APLF: variants seen among roughly 807,000 people sequenced by gnomAD.
The protein encoded by APLF is aprataxin and PNKP like factor.
Under a neutral mutation model 55.6 loss-of-function variants are expected in APLF, and 61 were observed. That is an observed-to-expected ratio of 1.10 (90% CI 0.89 to 1.36). The LOEUF (loss-of-function observed/expected upper bound fraction) is 1.36, where lower values mean the gene tolerates loss of function less well. Ranked by LOEUF, APLF falls within the 40% of genes most tolerant of loss-of-function variation. APLF has a pLI of 0.00. For missense variants in APLF, 611 were observed against 602.5 expected, an observed-to-expected ratio of 1.01 and a Z score of -0.15; for synonymous variants, 207 against 214.8, an observed-to-expected ratio of 0.96 and a Z score of 0.32.
chr2:68,480,868 C>G (rs1196810276), intron 1 of APLF, among the ~76,000 whole-genome samples: 1 of 152,132 alleles, frequency 6.6e-6, no homozygotes, highest in Non-Finnish European at 1.5e-5. Context: ...CTCTTGAGAT[C>G]ATATGGTTTT....
intron 2 of APLF, among the ~76,000 whole-genome samples, chr2:68,496,920 C>T (rs1277927483): frequency 6.6e-6 from 1 of 152,174 alleles, no homozygotes; most frequent in Non-Finnish European, 1.5e-5. Flanking sequence ...CTCTCATCTT[C>T]CTGTCTTCTT....
chr2:68,474,615 A>C (rs895975482), intron 1 of APLF, among the ~76,000 whole-genome samples: 1 of 152,206 alleles, frequency 6.6e-6, no homozygotes, highest in African/African-American at 2.4e-5. Context: ...ACATGTCTTC[A>C]TACTTTTGTA....
At chr2:68,487,189 G>T (rs965416078) in intron 1 of APLF, among the ~76,000 whole-genome samples, 1 of 152,056 alleles carries the variant, frequency 6.6e-6, no homozygotes, top group African/African-American at 2.4e-5. Flanking sequence ...CTTTATTTAG[G>T]ATCTGAATCT....
rs909380019 is a variant in APLF, at chr2:68,512,223, A to G, written c.342-857A>G. Among the ~76,000 whole-genome samples, 7 of 151,522 alleles carry G rather than the reference A, an allele frequency of 4.6e-5. No homozygotes were observed. In the Admixed American group the frequency reaches 4.6e-4, roughly 10 times the overall value. On this transcript the variant is annotated intron_variant, in intron 3 of 9. Transcript: ENST00000303795. Reference sequence around the variant, plus strand: ...AGTCTGTCCCTTCACTCCACCCCCAATCCCTGGCAACCATTAATATGATTT... The same window carrying G: ...AGTCTGTCCCTTCACTCCACCCCCAGTCCCTGGCAACCATTAATATGATTT...
At chr2:68,493,485 C>G (rs1676432201) in intron 2 of APLF, among the ~76,000 whole-genome samples, 1 of 151,912 alleles carries the variant, frequency 6.6e-6, no homozygotes, top group African/African-American at 2.4e-5. Flanking sequence ...AAAGCATGAA[C>G]CATAAAAACA....
At chr2:68,489,174 G>A (rs887658246) in intron 1 of APLF, among the ~76,000 whole-genome samples, 2 of 152,192 alleles carry the variant, frequency 1.3e-5, no homozygotes, top group Non-Finnish European at 2.9e-5. Flanking sequence ...CTTAAGTGTG[G>A]AACAGCTATC....
chr2:68,555,712 G>A (rs1404058944), intron 8 of APLF, among the ~76,000 whole-genome samples: 2 of 152,144 alleles, frequency 1.3e-5, no homozygotes, highest in Admixed American at 1.3e-4. Flanking sequence ...ATAAATGTTG[G>A]TGTGGATGTG....
chr2:68,507,601 T>C (rs1300628194), intron 3 of APLF, among the ~76,000 whole-genome samples: 2 of 151,982 alleles, frequency 1.3e-5, no homozygotes, highest in South Asian at 2.1e-4. Flanking sequence ...TACTTGGTTT[T>C]ATATTTTAGT....
intron 5 of APLF, among the ~76,000 whole-genome samples, chr2:68,519,834 G>A (rs964339528): frequency 6.6e-6 from 1 of 151,688 alleles, no homozygotes; most frequent in Non-Finnish European, 1.5e-5. Context: ...TAGTCAGCCA[G>A]TAGTGGGTTG....
chr2:68,567,272 T>A, intron 8 of APLF, 69 bp from the exon 9 acceptor site: 3 of 1,327,640 alleles, frequency 2.3e-6, no homozygotes, highest in Non-Finnish European at 3.2e-6. Context: ...AGTGTTCTGG[T>A]TTAGTGTAAA....
intron 5 of APLF, among the ~76,000 whole-genome samples, chr2:68,518,749 A>ATATATAATAAAATATTAACAATATATCAT (rs2103968084): frequency 9.2e-6 from 1 of 108,328 alleles, no homozygotes; most frequent in African/African-American, 4.1e-5. Flanking sequence ...TATATCATTA[A>ATATATAATAAAATATTAACAATATATCAT]TATATAATAA....
At chr2:68,472,284 C>G (rs1329966915) in intron 1 of APLF, among the ~76,000 whole-genome samples, 4 of 152,158 alleles carry the variant, frequency 2.6e-5, no homozygotes, top group Admixed American at 6.5e-5. Context: ...AAAGGGAATT[C>G]TCTATAGAAT....
chr2:68,533,884 C>G (rs1432624408), intron 6 of APLF, among the ~76,000 whole-genome samples: 1 of 152,136 alleles, frequency 6.6e-6, no homozygotes, highest in Non-Finnish European at 1.5e-5. Flanking sequence ...GTGACCAGTT[C>G]ATAGAGAAGG....
At chr2:68,485,129 T>C (rs1004106761) in intron 1 of APLF, among the ~76,000 whole-genome samples, 16 of 152,144 alleles carry the variant, frequency 1.1e-4, no homozygotes, top group African/African-American at 3.6e-4. Flanking sequence ...AATGTGTAAC[T>C]GTGCCATAAA....
At chr2:68,549,927 T>C (rs1312586963) in intron 8 of APLF, among the ~76,000 whole-genome samples, 2 of 152,176 alleles carry the variant, frequency 1.3e-5, no homozygotes, top group East Asian at 1.9e-4. Flanking sequence ...TTTTGGTAGC[T>C]ATCCACTACC....
At chr2:68,509,432 CAA>C (rs890410781) in intron 3 of APLF, among the ~76,000 whole-genome samples, 4 of 152,126 alleles carry the variant, frequency 2.6e-5, no homozygotes, top group African/African-American at 9.6e-5. Flanking sequence ...CTTCTCAAAA[CAA>C]GACATTTATG....
At chr2:68,485,103 GTTA>G (rs1676093166) in intron 1 of APLF, among the ~76,000 whole-genome samples, 2 of 151,824 alleles carry the variant, frequency 1.3e-5, no homozygotes, top group Admixed American at 6.6e-5. Context: ...GCTATATTCT[GTTA>G]TTATATTCTA....
chr2:68,518,597 A>G (rs1669745237), intron 5 of APLF, among the ~76,000 whole-genome samples: 1 of 121,298 alleles, frequency 8.2e-6, no homozygotes, highest in African/African-American at 3.2e-5. Flanking sequence ...TATCATGAAT[A>G]TATAATATAT....
chr2:68,558,995 G>A (rs953224536), intron 8 of APLF, among the ~76,000 whole-genome samples: 9 of 152,186 alleles, frequency 5.9e-5, no homozygotes, highest in African/African-American at 1.9e-4. Context: ...CTATTATTCT[G>A]TTGTTGCTAC....
Sources: gnomAD v4.1 joint callset for allele counts (sites outside exome capture counted in the v4.1 genomes callset) on GRCh38, gnomAD v4.1.1 for gene constraint, MANE v1.5 for transcripts, NCBI Gene and HGNC (gene_info 2026-07-23, HGNC 2026-07-21) for gene names.